PHOX2A: variants seen among roughly 807,000 people sequenced by gnomAD.
The protein encoded by PHOX2A is paired mesoderm homeobox protein 2A.
Under a neutral mutation model 16.4 loss-of-function variants are expected in PHOX2A, and 10 were observed. The observed-to-expected ratio is 0.61, with a 90% CI of 0.38 to 1.04. PHOX2A has a LOEUF of 1.04. Among genes scored for constraint, PHOX2A ranks in the 50% least tolerant of loss-of-function variants. PHOX2A has a pLI of 0.01. For synonymous variants in PHOX2A, 219 were observed against 203.8 expected (o/e 1.07, Z -0.64); for missense variants, 361 against 419.4 (o/e 0.86, Z 1.22).
chr11:72,239,760 T>G lies in PHOX2A; in HGVS notation c.844A>C (p.Asn282His). 1 of 1,316,350 alleles carries G rather than the reference T, an allele frequency of 7.6e-7. No individual in the cohort carries two copies. Among genetic ancestry groups the G allele is most frequent in the East Asian group, 2.8e-5 (1 of 35,466 alleles). 81.5% of individuals were successfully genotyped at this position (1,316,350 alleles called of 1,614,324 possible). A position where few individuals can be genotyped will look rare whatever the true frequency, so the allele number is the denominator to read the frequency against. ...HRKPGPALKT[N>H]LF ...CCAGAGGCCGGCAGCTAGAAGAGAT[T>G]GGTCTTCAGGGCGGGGCCGGGCTTC... The change falls in exon 3 of 3, where the codon AAT (asparagine) becomes CAT (histidine). Residue 282 changes from asparagine to histidine, a missense_variant. This residue lies in a region of PHOX2A where 71 missense variants were observed against 54.1 expected (regional missense o/e 1.31). Coordinates refer to ENST00000298231, the MANE Select transcript of PHOX2A (RefSeq NM_005169.4).
Position 72,239,906 on chromosome 11 carries a change from G to C in PHOX2A, c.698C>G (p.Ala233Gly). Reference sequence around the variant, plus strand: ...GCCGCCCCCACCGCCCGCCACACCGGCCCACAGTGCGCCCTTGAGCGGCTG... The same window carrying C: ...GCCGCCCCCACCGCCCGCCACACCGCCCCACAGTGCGCCCTTGAGCGGCTG... ...GPQPLKGALWAGVAGGGGGGP... is the reference protein window; with the variant it reads ...GPQPLKGALWGGVAGGGGGGP... The change falls in exon 3 of 3, where the codon GCC (alanine) becomes GGC (glycine). Residue 233 changes from alanine (A) to glycine (G), a missense_variant. Around this residue, in one of 3 missense-constraint regions of PHOX2A, gnomAD observed 55 missense variants for 101.6 expected, o/e 0.54. Coordinates refer to ENST00000298231, the MANE Select transcript of PHOX2A (RefSeq NM_005169.4). The C allele has an allele frequency of 7.4e-7, 1 of 1,343,360 alleles. No homozygotes were observed. 83.2% of individuals were successfully genotyped at this position (1,343,360 alleles called of 1,614,324 possible).
chr11:72,243,073 G>A (rs964658205), intron 1 of PHOX2A, among the ~76,000 whole-genome samples: 1 of 152,216 alleles, frequency 6.6e-6, no homozygotes, highest in Non-Finnish European at 1.5e-5. Flanking sequence ...TGAGATGACT[G>A]AGAAGCTCAG....
rs1158333003 is a variant in PHOX2A, at chr11:72,240,203, G to A, written c.406-5C>T. On this transcript the variant is annotated splice_polypyrimidine_tract_variant and splice_region_variant and intron_variant, in intron 2 of 2. Transcript: ENST00000298231. The stretch of plus-strand genomic sequence containing the variant: ...CCGGCGGTTCTGGAACCAGACCTGC[G>A]GGCACAGGGGCCAGTCAGCCTGGAC... 2 of 1,534,228 alleles carry A rather than the reference G, an allele frequency of 1.3e-6. No homozygotes were observed. The highest frequency in any genetic ancestry group is 1.7e-6 in the Non-Finnish European group (2 of 1,145,574).
intron 1 of PHOX2A, 87 bp from the exon 2 acceptor site, chr11:72,241,376 G>A: frequency 3.6e-6 from 3 of 825,376 alleles, no homozygotes; most frequent in Non-Finnish European, 3.8e-6. Context: ...TCCAGCTCCG[G>A]GGGAATCACA....
At position 72,243,778 on chromosome 11, in the gene PHOX2A, C is replaced by T; in HGVS notation, c.217+10G>A. 8.1e-7 allele frequency: 1 copy of T among 1,240,686 alleles called. No individual in the cohort carries two copies. Among genetic ancestry groups the T allele is most frequent in the African/African-American group, 1.6e-5 (1 of 64,474 alleles). 76.9% of individuals were successfully genotyped at this position (1,240,686 alleles called of 1,614,324 possible). A position where few individuals can be genotyped will look rare whatever the true frequency, so the allele number is the denominator to read the frequency against. ...AATTGGAGGGAGGGTTGGGCCGGGG[C>T]TGCGCTCACCTGCCGAGTAGGGCGC... On this transcript the variant is annotated intron_variant, in intron 1 of 2. Coordinates refer to ENST00000298231, the MANE Select transcript of PHOX2A (RefSeq NM_005169.4).
chr11:72,241,042 C>T (rs1949115378), intron 2 of PHOX2A, 60 bp downstream of exon 2: 2 of 1,541,640 alleles, frequency 1.3e-6, no homozygotes, highest in Admixed American at 3.4e-5. Flanking sequence ...AGGTGTTAGA[C>T]ATTAAGCTCC....
At position 72,240,062 on chromosome 11, in the gene PHOX2A, G is replaced by T; in HGVS notation, c.542C>A (p.Thr181Lys). 1.3e-6 allele frequency: 2 copies of T among 1,527,720 alleles called. No individual in the cohort carries two copies. The highest frequency in any genetic ancestry group is 8.8e-7 in the Non-Finnish European group (1 of 1,142,326). 94.6% of individuals were successfully genotyped at this position (1,527,720 alleles called of 1,614,324 possible). Residue 181 changes from threonine to lysine, a missense_variant, in exon 3 of 3, where the codon ACG (threonine) becomes AAG (lysine). Thr to Lys is a moderately conservative substitution (Grantham distance 78). Transcript: ENST00000298231. ...SSEDDDSKESTCSPTPDSTAS... is the reference protein window; with the variant it reads ...SSEDDDSKESKCSPTPDSTAS... ...GGTGCTATCGGGCGTGGGGCTGCAC[G>T]TGGACTCCTTGGAATCGTCGTCCTC...
Position 72,243,869 on chromosome 11 carries a change from C to A in PHOX2A, c.136G>T (p.Gly46Trp). ...SPLRPAFPAA[G>W]PPCPALGSSN... Reference sequence around the variant, plus strand: ...GAGCCGAGCGCGGGGCAGGGCGGCCCTGCCGCGGGGAAAGCGGGCCGCAGG... The same window carrying A: ...GAGCCGAGCGCGGGGCAGGGCGGCCATGCCGCGGGGAAAGCGGGCCGCAGG... The change falls in exon 1 of 3, where the codon GGG (glycine) becomes TGG (tryptophan). Residue 46 changes from glycine (G) to tryptophan (W), a missense_variant. Gly to Trp is a radical substitution (Grantham distance 184). Coordinates refer to ENST00000298231, the MANE Select transcript of PHOX2A (RefSeq NM_005169.4). 7.8e-7 allele frequency: 1 copy of A among 1,274,534 alleles called. No individual in the cohort carries two copies. Among genetic ancestry groups the A allele is most frequent in the Non-Finnish European group, 9.9e-7 (1 of 1,006,026 alleles). The allele number at this position is 1,274,534 out of a possible 1,614,324, so 79.0% of individuals were successfully genotyped here.
Position 72,239,748 on chromosome 11 carries a change from G to T in PHOX2A, c.*1C>A. On this transcript the variant is annotated 3_prime_UTR_variant, in exon 3 of 3. Coordinates refer to ENST00000298231, the MANE Select transcript of PHOX2A (RefSeq NM_005169.4). ...GGCTCGGAGCCTCCAGAGGCCGGCA[G>T]CTAGAAGAGATTGGTCTTCAGGGCG... The T allele has an allele frequency of 7.6e-7, 1 of 1,312,976 alleles. No homozygotes were observed. The highest frequency in any genetic ancestry group is 1.5e-5 in the African/African-American group (1 of 66,480). 81.3% of individuals were successfully genotyped at this position (1,312,976 alleles called of 1,614,324 possible). A position where few individuals can be genotyped will look rare whatever the true frequency, so the allele number is the denominator to read the frequency against.
At chr11:72,240,287 T>C (rs1026355800) in intron 2 of PHOX2A, 89 bp from the exon 3 acceptor site, 6 of 1,492,876 alleles carry the variant, frequency 4.0e-6, no homozygotes, top group Non-Finnish European at 4.4e-6. Flanking sequence ...GAGATCCTGG[T>C]TCGGAAAGAA....
At chr11:72,243,295 G>A (rs1949136157) in intron 1 of PHOX2A, among the ~76,000 whole-genome samples, 1 of 152,192 alleles carries the variant, frequency 6.6e-6, no homozygotes, top group Non-Finnish European at 1.5e-5. Flanking sequence ...CCAAGACAGG[G>A]CAGGAGGGGC....
At chr11:72,241,031 C>T (rs1949115241) in intron 2 of PHOX2A, 71 bp downstream of exon 2, 28 of 1,491,826 alleles carry the variant, frequency 1.9e-5, no homozygotes, top group Non-Finnish European at 2.6e-5. Flanking sequence ...CCCCTACCCC[C>T]AGGTGTTAGA....
At position 72,239,724 on chromosome 11, in the gene PHOX2A, G is replaced by A; in HGVS notation, c.*25C>T. 7.7e-7 allele frequency: 1 copy of A among 1,303,742 alleles called. No individual in the cohort carries two copies. The highest frequency in any genetic ancestry group is 9.8e-7 in the Non-Finnish European group (1 of 1,018,102). 80.8% of individuals were successfully genotyped at this position (1,303,742 alleles called of 1,614,324 possible). A position where few individuals can be genotyped will look rare whatever the true frequency, so the allele number is the denominator to read the frequency against. On this transcript the variant is annotated 3_prime_UTR_variant, in exon 3 of 3. Coordinates refer to ENST00000298231, the MANE Select transcript of PHOX2A (RefSeq NM_005169.4). ...GGGGCAGGGACGTCTCTGGGGGCAGGCTCGGAGCCTCCAGAGGCCGGCAGC... is the reference window on the plus strand; with the variant it reads ...GGGGCAGGGACGTCTCTGGGGGCAGACTCGGAGCCTCCAGAGGCCGGCAGC...
intron 2 of PHOX2A, among the ~76,000 whole-genome samples, chr11:72,240,871 T>G (rs1949112711): frequency 6.6e-6 from 1 of 152,140 alleles, no homozygotes; most frequent in Non-Finnish European, 1.5e-5. Flanking sequence ...CTCGGAACTT[T>G]CTGCCCTAAG....
intron 1 of PHOX2A, among the ~76,000 whole-genome samples, chr11:72,242,664 C>T (rs1555080335): frequency 2.8e-5 from 4 of 145,094 alleles, no homozygotes; most frequent in Non-Finnish European, 6.0e-5. Flanking sequence ...TCTTCTTCTT[C>T]TTTTTTTTTT....
chr11:72,241,262 G>T lies in PHOX2A; in HGVS notation c.245C>A (p.Ser82Tyr), dbSNP rs777678122. The part of the protein sequence containing the change: ...AVPYKFFPEP[S>Y]GLHEKRKQRR... ...CTGCTTGCGCTTCTCGTGCAGGCCG[G>T]ATGGCTCTGGGAAGAACTTGTAGGG... The change falls in exon 2 of 3, where the codon TCC (serine) becomes TAC (tyrosine). Residue 82 changes from serine (S) to tyrosine (Y), a missense_variant. Transcript: ENST00000298231. 2 of 1,589,568 alleles carry T rather than the reference G, an allele frequency of 1.3e-6. No individual in the cohort carries two copies. The highest frequency in any genetic ancestry group is 1.7e-5 in the Admixed American group (1 of 59,168).
chr11:72,243,635 A>G lies in PHOX2A; in HGVS notation c.217+153T>C, dbSNP rs1387450789. The stretch of plus-strand genomic sequence containing the variant: ...AGGGTGAGGCTCATTCCTGCGGAGG[A>G]GAACCTCGTATTCTGGGGGTCTCTC... On this transcript the variant is annotated intron_variant, in intron 1 of 2. Coordinates refer to ENST00000298231, the MANE Select transcript of PHOX2A (RefSeq NM_005169.4). 2.0e-5 allele frequency among the ~76,000 whole-genome samples: 3 copies of G among 152,114 alleles called. No homozygotes were observed. In the East Asian group the frequency reaches 5.8e-4, roughly 29 times the overall value.
chr11:72,240,840 C>G (rs1949112334), intron 2 of PHOX2A, among the ~76,000 whole-genome samples: 1 of 152,176 alleles, frequency 6.6e-6, no homozygotes, highest in Non-Finnish European at 1.5e-5. Context: ...CTCGGCCTCC[C>G]TCCTGGCTTC....
rs763728508 is a variant in PHOX2A, at chr11:72,243,833, C to A, written c.172G>T (p.Ala58Ser). ...PCPALGSSNC[A>S]LGALRDHQPA... ...TGGTGGTCGCGTAGGGCGCCAAGTG[C>A]GCAGTTGGAGGAGCCGAGCGCGGGG... The change falls in exon 1 of 3, where the codon GCA (alanine) becomes TCA (serine). Residue 58 changes from alanine to serine, a missense_variant. Ala to Ser is a moderately conservative substitution (Grantham distance 99, BLOSUM62 1). Around this residue, in one of 3 missense-constraint regions of PHOX2A, gnomAD observed 235 missense variants for 263.8 expected, o/e 0.89. Coordinates refer to ENST00000298231, the MANE Select transcript of PHOX2A (RefSeq NM_005169.4). 7 of 1,252,098 alleles carry A rather than the reference C, an allele frequency of 5.6e-6. No individual in the cohort carries two copies. Among genetic ancestry groups the A allele is most frequent in the African/African-American group, 1.6e-5 (1 of 64,490 alleles). 77.6% of individuals were successfully genotyped at this position (1,252,098 alleles called of 1,614,324 possible).
Sources: gnomAD v4.1 joint callset for allele counts (sites outside exome capture counted in the v4.1 genomes callset) on GRCh38, gnomAD v4.1.1 for gene constraint, gnomAD v4.1.1 regional missense constraint, MANE v1.5 for transcripts, NCBI Gene and HGNC (gene_info 2026-07-23, HGNC 2026-07-21) for gene names.